LAMA2: variants seen among roughly 807,000 people sequenced by gnomAD.
LAMA2 encodes the protein laminin subunit alpha 2.
LAMA2 carries 269 observed loss-of-function variants against 364.8 expected under a neutral mutation model. That is an observed-to-expected ratio of 0.74 (90% CI 0.67 to 0.82). The LOEUF (loss-of-function observed/expected upper bound fraction) is 0.82, where lower values mean the gene tolerates loss of function less well. LAMA2 is among the 40% of genes least tolerant of loss of function. The pLI, the probability that LAMA2 is intolerant of heterozygous loss-of-function variation, is 0.00. For synonymous variants in LAMA2, 1,379 were observed against 1,370.6 expected, an observed-to-expected ratio of 1.01 and a Z score of -0.14; for missense variants, 3,807 against 3,873.2, an observed-to-expected ratio of 0.98 and a Z score of 0.45.
At chr6:128,944,492 T>C (rs1780370178) in intron 1 of LAMA2, among the ~76,000 whole-genome samples, 1 of 152,090 alleles carries the variant, frequency 6.6e-6, no homozygotes, top group African/African-American at 2.4e-5. Context: ...ACTGGATAAT[T>C]TCTAAAGAAA....
chr6:129,349,219 C>A (rs1323783202), intron 30 of LAMA2, 79 bp from the exon 31 acceptor site: 2 of 1,112,360 alleles, frequency 1.8e-6, no homozygotes, highest in African/African-American at 1.5e-5. Flanking sequence ...GTCCCAATAA[C>A]CTTGATCATG....
intron 1 of LAMA2, among the ~76,000 whole-genome samples, chr6:128,909,745 A>C (rs1420633292): frequency 2.0e-5 from 3 of 151,308 alleles, no homozygotes; most frequent in Non-Finnish European, 4.4e-5. Context: ...TGGTCTTTAC[A>C]TTTTGGCATG....
At chr6:129,375,891 G>A (rs1032200215) in intron 34 of LAMA2, among the ~76,000 whole-genome samples, 18 of 151,892 alleles carry the variant, frequency 1.2e-4, no homozygotes, top group Admixed American at 1.0e-3. Flanking sequence ...TGTTTTATCC[G>A]CCAGTATATG....
intron 33 of LAMA2, among the ~76,000 whole-genome samples, chr6:129,368,738 A>G (rs1375053521): frequency 6.6e-6 from 1 of 152,154 alleles, no homozygotes; most frequent in East Asian, 1.9e-4. Flanking sequence ...TTATCCTTAA[A>G]TTCTAGTCTT....
intron 1 of LAMA2, among the ~76,000 whole-genome samples, chr6:128,908,021 G>A (rs1777618280): frequency 6.6e-6 from 1 of 151,862 alleles, no homozygotes; most frequent in African/African-American, 2.4e-5. Flanking sequence ...TTGATGTGCT[G>A]CTGGATTTGT....
At chr6:129,452,813 C>G (rs1215788983) in intron 45 of LAMA2, among the ~76,000 whole-genome samples, 175 bp from the exon 46 acceptor site, 1 of 152,148 alleles carries the variant, frequency 6.6e-6, no homozygotes, top group Admixed American at 6.5e-5. Context: ...AACTGCTCTT[C>G]TGTGCCCTCA....
rs150237160 is a variant in LAMA2, at chr6:129,456,433, C to T, written c.6806C>T (p.Thr2269Met). ...THHSTSPPGYTILDVDANAML... is the reference protein window; with the variant it reads ...THHSTSPPGYMILDVDANAML... The stretch of plus-strand genomic sequence containing the variant: ...CATTCGACGTCTCCTCCAGGGTACA[C>T]GATTCTAGATGTGGATGCAAATGCA... Residue 2269 changes from threonine (T) to methionine (M), a missense_variant, in exon 48 of 65, where the codon ACG becomes ATG. Around this residue, in one of 3 missense-constraint regions of LAMA2, gnomAD observed 3,333 missense variants for 3,345.7 expected, o/e 1.00. Transcript: ENST00000421865. 67 of 1,613,380 alleles carry T rather than the reference C, an allele frequency of 4.2e-5. No homozygotes were observed. The highest frequency in any genetic ancestry group is 1.6e-4 in the East Asian group (7 of 44,852).
intron 2 of LAMA2, among the ~76,000 whole-genome samples, chr6:129,052,511 G>A (rs1210156241): frequency 6.6e-6 from 1 of 151,940 alleles, no homozygotes; most frequent in Non-Finnish European, 1.5e-5. Context: ...GCAAAATTAA[G>A]AGGAAAGTAC....
intron 32 of LAMA2, among the ~76,000 whole-genome samples, chr6:129,357,058 T>G (rs1777189892): frequency 6.6e-6 from 1 of 152,094 alleles, no homozygotes; most frequent in African/African-American, 2.4e-5. Flanking sequence ...AGATTTCTTC[T>G]TGATAAGTTA....
chr6:128,902,395 AAAG>A (rs1479753252), intron 1 of LAMA2, among the ~76,000 whole-genome samples: 1 of 152,236 alleles, frequency 6.6e-6, no homozygotes, highest in Non-Finnish European at 1.5e-5. Flanking sequence ...TGGTATAATA[AAAG>A]AAGAAAACAC....
chr6:129,300,873 G>T lies in LAMA2; in HGVS notation c.3174+1G>T. The T allele has an allele frequency of 6.2e-7, 1 of 1,613,670 alleles. No individual in the cohort carries two copies. Among genetic ancestry groups the T allele is most frequent in the Non-Finnish European group, 8.5e-7 (1 of 1,179,616 alleles). ...CCACAGCATTACCACTGGTTGTAAG[G>T]TGAGTGAACCACTTTTTTGCTCTGA... On this transcript the variant is annotated splice_donor_variant, in intron 22 of 64. Transcript: ENST00000421865. LOFTEE classifies it high-confidence loss of function.
At chr6:129,301,857 C>G (rs1055087390) in intron 22 of LAMA2, among the ~76,000 whole-genome samples, 2 of 152,096 alleles carry the variant, frequency 1.3e-5, no homozygotes, top group Non-Finnish European at 2.9e-5. Flanking sequence ...TTTCCAATTT[C>G]TACAACTTCT....
At chr6:129,452,753 C>T (rs866882594) in intron 45 of LAMA2, among the ~76,000 whole-genome samples, 2 of 152,110 alleles carry the variant, frequency 1.3e-5, no homozygotes, top group Middle Eastern at 3.2e-3. Context: ...AAATAGTATG[C>T]TAACAAGACA....
chr6:129,008,793 G>C (rs1481093536), intron 1 of LAMA2, among the ~76,000 whole-genome samples: 1 of 152,156 alleles, frequency 6.6e-6, no homozygotes, highest in Non-Finnish European at 1.5e-5. Flanking sequence ...CAGGACGAGA[G>C]ATTACTTTTT....
intron 10 of LAMA2, among the ~76,000 whole-genome samples, chr6:129,182,175 GAGAT>G (rs769186138): frequency 6.6e-6 from 1 of 151,768 alleles, no homozygotes; most frequent in Non-Finnish European, 1.5e-5. Context: ...TTGTAAAATT[GAGAT>G]AATTTTTAAA....
chr6:129,312,204 T>A (rs1395970937), intron 22 of LAMA2, among the ~76,000 whole-genome samples: 1 of 151,632 alleles, frequency 6.6e-6, no homozygotes, highest in Non-Finnish European at 1.5e-5. Flanking sequence ...AAATATGAAT[T>A]ATGTAAATAA....
chr6:128,926,610 T>C (rs1779115862), intron 1 of LAMA2, among the ~76,000 whole-genome samples: 3 of 152,194 alleles, frequency 2.0e-5, no homozygotes, highest in Non-Finnish European at 4.4e-5. Context: ...CAGCTAACTA[T>C]TATTTAATAC....
At chr6:129,194,077 T>C (rs1261793008) in intron 12 of LAMA2, among the ~76,000 whole-genome samples, 2 of 152,158 alleles carry the variant, frequency 1.3e-5, no homozygotes, top group African/African-American at 4.8e-5. Context: ...TGCAAGGCCC[T>C]TTACAGCAAG....
chr6:129,051,999 GTATA>G (rs10551797), intron 2 of LAMA2, among the ~76,000 whole-genome samples: 29,700 of 150,480 alleles, frequency 0.2, 3,849 homozygotes, highest in African/African-American at 0.37. Context: ...ATGTATGCAG[GTATA>G]TATATATATA....
Sources: allele counts gnomAD v4.1 joint callset (sites outside exome capture counted in the v4.1 genomes callset), GRCh38; gene constraint gnomAD v4.1.1; regional missense constraint gnomAD v4.1.1; transcripts MANE v1.5; gene names NCBI Gene and HGNC (gene_info 2026-07-23, HGNC 2026-07-21).